Variants in TMEM161B observed in about 807,000 individuals in gnomAD.
The protein encoded by TMEM161B is transmembrane protein 161B.
TMEM161B carries 34 observed loss-of-function variants against 61.8 expected under a neutral mutation model. That is an observed-to-expected ratio of 0.55 (90% CI 0.42 to 0.73). The LOEUF (loss-of-function observed/expected upper bound fraction) is 0.73, where lower values mean the gene tolerates loss of function less well. TMEM161B is among the 30% of genes least tolerant of loss of function. The pLI, the probability that TMEM161B is intolerant of heterozygous loss-of-function variation, is 0.00. For missense variants in TMEM161B, 456 were observed against 558.5 expected (o/e 0.82, Z 1.85); for synonymous variants, 167 against 192.8 (o/e 0.87, Z 1.11).
intron 9 of TMEM161B, 142 bp downstream of exon 9, chr5:88,202,820 T>A (rs1051006482): frequency 2.4e-5 from 17 of 696,216 alleles, no homozygotes; most frequent in Non-Finnish European, 4.1e-5. Flanking sequence ...TAGTTTCAAT[T>A]TTCTAACACA....
intron 5 of TMEM161B, among the ~76,000 whole-genome samples, chr5:88,210,005 T>G (rs1004169756): frequency 6.6e-6 from 1 of 152,240 alleles, no homozygotes; most frequent in Non-Finnish European, 1.5e-5. Flanking sequence ...ACTCGCCATG[T>G]AATCATATAC....
intron 5 of TMEM161B, among the ~76,000 whole-genome samples, chr5:88,220,067 T>A (rs900282941): frequency 6.6e-6 from 1 of 152,062 alleles, no homozygotes; most frequent in Non-Finnish European, 1.5e-5. Flanking sequence ...GTTTCCACAA[T>A]TATAAAAATA....
chr5:88,187,496 C>A (rs1366960568), downstream of TMEM161B, among the ~76,000 whole-genome samples: 3 of 152,136 alleles, frequency 2.0e-5, no homozygotes, highest in African/African-American at 4.8e-5. Context: ...ACTTTAATTT[C>A]TCTTAACATT....
chr5:88,246,405 C>T (rs1451081211), intron 1 of TMEM161B, among the ~76,000 whole-genome samples: 3 of 151,472 alleles, frequency 2.0e-5, no homozygotes, highest in Non-Finnish European at 3.0e-5. Context: ...AATTTAAAAA[C>T]GAATCCTCAG....
intron 2 of TMEM161B, among the ~76,000 whole-genome samples, chr5:88,234,772 C>A (rs1292595410): frequency 6.6e-6 from 1 of 152,044 alleles, no homozygotes; most frequent in African/African-American, 2.4e-5. Flanking sequence ...CAGAATCTCA[C>A]TTAAAAACTC....
chr5:88,211,544 G>A (rs1452856082), intron 5 of TMEM161B, among the ~76,000 whole-genome samples: 3 of 152,044 alleles, frequency 2.0e-5, no homozygotes, highest in Admixed American at 6.6e-5. Context: ...CAGATCACCT[G>A]AGGTCAGGAG....
chr5:88,206,835 A>G (rs559058276), intron 6 of TMEM161B, among the ~76,000 whole-genome samples, 194 bp downstream of exon 6: 1 of 152,240 alleles, frequency 6.6e-6, no homozygotes, highest in South Asian at 2.1e-4. Flanking sequence ...AAAAACATTA[A>G]TTAAAAACTT....
At chr5:88,235,027 G>A (rs1443546197) in intron 2 of TMEM161B, among the ~76,000 whole-genome samples, 1 of 152,058 alleles carries the variant, frequency 6.6e-6, no homozygotes, top group African/African-American at 2.4e-5. Context: ...TGATAATAAA[G>A]CCAATCTGAT....
intron 2 of TMEM161B, among the ~76,000 whole-genome samples, chr5:88,233,572 T>C (rs909797582): frequency 3.9e-5 from 6 of 152,206 alleles, no homozygotes; most frequent in African/African-American, 1.4e-4. Flanking sequence ...CTCAAAGCAA[T>C]GTAGATAAAT....
intron 2 of TMEM161B, among the ~76,000 whole-genome samples, chr5:88,235,924 G>T (rs980494437): frequency 1.3e-5 from 2 of 152,122 alleles, no homozygotes; most frequent in African/African-American, 4.8e-5. Flanking sequence ...TGAACATTCT[G>T]GAACTGGAAG....
At chr5:88,226,547 C>T (rs1273437371) in intron 3 of TMEM161B, among the ~76,000 whole-genome samples, 3 of 152,150 alleles carry the variant, frequency 2.0e-5, no homozygotes, top group African/African-American at 4.8e-5. Context: ...CTGCTTCAGC[C>T]TCTGAGTAGC....
intron 6 of TMEM161B, among the ~76,000 whole-genome samples, chr5:88,206,822 GA>G (rs1388056200): frequency 6.6e-6 from 1 of 151,590 alleles, no homozygotes; most frequent in Non-Finnish European, 1.5e-5. Flanking sequence ...AGTATTTTTG[GA>G]AAAAAACATT....
chr5:88,246,824 T>C (rs980844157), intron 1 of TMEM161B, among the ~76,000 whole-genome samples: 2 of 151,954 alleles, frequency 1.3e-5, no homozygotes, highest in African/African-American at 4.8e-5. Context: ...AGAGATGCAA[T>C]GAAAATACCA....
intron 9 of TMEM161B, 194 bp downstream of exon 9, chr5:88,202,768 C>T (rs1744665466): frequency 6.7e-6 from 4 of 596,486 alleles, no homozygotes; most frequent in South Asian, 2.0e-5. Context: ...TAATCATTAA[C>T]ATTAACTAAT....
At chr5:88,198,822 G>A (rs1425796127) in intron 10 of TMEM161B, 154 bp downstream of exon 10, 4 of 697,128 alleles carry the variant, frequency 5.7e-6, no homozygotes, top group African/African-American at 5.5e-5. Flanking sequence ...TCAGATCAAG[G>A]TCTCTTTGAT....
intron 5 of TMEM161B, among the ~76,000 whole-genome samples, chr5:88,210,453 G>A (rs1746488169): frequency 6.6e-6 from 1 of 152,102 alleles, no homozygotes; most frequent in South Asian, 2.1e-4. Context: ...CTTCTATGTA[G>A]GTGGCAACTA....
At chr5:88,228,317 G>C in intron 3 of TMEM161B, 128 bp downstream of exon 3, 1 of 673,844 alleles carries the variant, frequency 1.5e-6, no homozygotes, top group Non-Finnish European at 2.5e-6. Flanking sequence ...GATTTTCATG[G>C]GTTTTGATCT....
At chr5:88,223,776 C>T (rs751990372) in intron 4 of TMEM161B, among the ~76,000 whole-genome samples, 1 of 152,088 alleles carries the variant, frequency 6.6e-6, no homozygotes, top group African/African-American at 2.4e-5. Flanking sequence ...GTAGTCCTAG[C>T]TACTCAGGAG....
At chr5:88,209,791 A>T (rs975676965) in intron 5 of TMEM161B, among the ~76,000 whole-genome samples, 1 of 152,158 alleles carries the variant, frequency 6.6e-6, no homozygotes, top group Non-Finnish European at 1.5e-5. Flanking sequence ...CTCCACCTCA[A>T]TCAGAATAGT....
Sources: gnomAD v4.1 joint callset for allele counts (sites outside exome capture counted in the v4.1 genomes callset) on GRCh38, gnomAD v4.1.1 for gene constraint, MANE v1.5 for transcripts, NCBI Gene and HGNC (gene_info 2026-07-23, HGNC 2026-07-21) for gene names.